The following EEIG2 variants were observed in gnomAD, a reference collection of about 807,000 sequenced individuals.
EEIG2 encodes family with sequence similarity 102 member B.
the EEIG2 span, among the ~76,000 whole-genome samples, chr1:108,577,933 A>G: frequency 6.6e-6 from 1 of 151,682 alleles, no homozygotes. Context: ...ACCCATGAGC[A>G]TGGAATGTTC....
chr1:108,617,411 C>G, the EEIG2 span, among the ~76,000 whole-genome samples: 1 of 152,128 alleles, frequency 6.6e-6, no homozygotes, highest in Admixed American at 6.5e-5. Context: ...GAATGGTGCT[C>G]TCATTTGTTG....
the EEIG2 span, among the ~76,000 whole-genome samples, chr1:108,630,772 C>T: frequency 1.3e-5 from 2 of 152,324 alleles, no homozygotes; most frequent in Non-Finnish European, 2.9e-5. Context: ...CACTTCTGTG[C>T]ACCCCTAATT....
At chr1:108,593,205 A>G in the EEIG2 span, among the ~76,000 whole-genome samples, 1 of 152,114 alleles carries the variant, frequency 6.6e-6, no homozygotes, top group Non-Finnish European at 1.5e-5. Context: ...TGGAGGGAGA[A>G]AGTCCAGGGC....
chr1:108,604,108 T>C, the EEIG2 span, among the ~76,000 whole-genome samples: 1 of 152,190 alleles, frequency 6.6e-6, no homozygotes, highest in Admixed American at 6.5e-5. Flanking sequence ...CTGTGAACCC[T>C]ATGCAGTGTA....
chr1:108,614,482 T>G, the EEIG2 span, among the ~76,000 whole-genome samples: 5 of 152,288 alleles, frequency 3.3e-5, no homozygotes, highest in East Asian at 7.7e-4. Context: ...CAACACATTA[T>G]TCTTGCTCTC....
At chr1:108,593,183 A>G in the EEIG2 span, among the ~76,000 whole-genome samples, 1 of 152,120 alleles carries the variant, frequency 6.6e-6, no homozygotes, top group Admixed American at 6.5e-5. Flanking sequence ...AAATACATAA[A>G]TAAAAGGAGT....
the EEIG2 span, among the ~76,000 whole-genome samples, chr1:108,596,727 C>T: frequency 1.3e-5 from 2 of 151,344 alleles, no homozygotes; most frequent in Non-Finnish European, 2.9e-5. Flanking sequence ...GTTCAAGTTG[C>T]TATTTTTCTG....
At chr1:108,587,381 CG>C in the EEIG2 span, among the ~76,000 whole-genome samples, 1 of 152,094 alleles carries the variant, frequency 6.6e-6, no homozygotes, top group African/African-American at 2.4e-5. Flanking sequence ...ACCAGAGTGG[CG>C]CATTTGTTAC....
the EEIG2 span, chr1:108,628,011 AC>A: frequency 4.9e-6 from 3 of 612,090 alleles, no homozygotes; most frequent in East Asian, 8.3e-5. Context: ...CAATACAGTT[AC>A]TTCCATTGCA....
the EEIG2 span, chr1:108,629,613 TC>T: frequency 1.2e-6 from 2 of 1,611,734 alleles, no homozygotes; most frequent in Non-Finnish European, 1.7e-6. Flanking sequence ...TATTTGTGGG[TC>T]CTGGGGGAAG....
chr1:108,599,131 C>T, the EEIG2 span, among the ~76,000 whole-genome samples: 1 of 152,002 alleles, frequency 6.6e-6, no homozygotes, highest in Admixed American at 6.6e-5. Context: ...CACCACTGCA[C>T]TCCAGCCTGG....
At chr1:108,575,179 A>G in the EEIG2 span, among the ~76,000 whole-genome samples, 21 of 152,288 alleles carry the variant, frequency 1.4e-4, no homozygotes, top group African/African-American at 3.6e-4. Context: ...TTGCTATAGC[A>G]CTCTTTATTA....
chr1:108,580,487 G>A, the EEIG2 span, among the ~76,000 whole-genome samples: 2 of 152,186 alleles, frequency 1.3e-5, no homozygotes, highest in African/African-American at 4.8e-5. Context: ...GCTGAGATAG[G>A]CCAAAAGCTA....
chr1:108,588,768 A>G, the EEIG2 span, among the ~76,000 whole-genome samples: 1 of 129,138 alleles, frequency 7.7e-6, no homozygotes, highest in Non-Finnish European at 1.7e-5. Flanking sequence ...TGAGTTTCTT[A>G]TATATTTGGG....
At chr1:108,598,514 TTA>T in the EEIG2 span, among the ~76,000 whole-genome samples, 1 of 152,082 alleles carries the variant, frequency 6.6e-6, no homozygotes, top group South Asian at 2.1e-4. Context: ...CAAATAACAC[TTA>T]TCTCGCCTGC....
the EEIG2 span, among the ~76,000 whole-genome samples, chr1:108,598,022 G>A: frequency 6.6e-6 from 1 of 152,042 alleles, no homozygotes. Flanking sequence ...AAGAGATGTT[G>A]GGAGAGAAGC....
chr1:108,632,853 G>C, the EEIG2 span, among the ~76,000 whole-genome samples: 1 of 152,058 alleles, frequency 6.6e-6, no homozygotes, highest in Non-Finnish European at 1.5e-5. Context: ...ACCCAGGCTG[G>C]AGTGCGGCAC....
At chr1:108,612,345 A>T in the EEIG2 span, 3 of 1,231,630 alleles carry the variant, frequency 2.4e-6, no homozygotes, top group East Asian at 7.0e-5. Flanking sequence ...TCTGCCTTTA[A>T]ATAAGCGTAT....
chr1:108,575,530 A>G, the EEIG2 span, among the ~76,000 whole-genome samples: 2 of 152,204 alleles, frequency 1.3e-5, no homozygotes, highest in Admixed American at 6.5e-5. Flanking sequence ...TAGCACCATT[A>G]TTTATAACAG....
Sources: allele counts gnomAD v4.1 joint callset (sites outside exome capture counted in the v4.1 genomes callset), GRCh38; gene constraint gnomAD v4.1.1; transcripts MANE v1.5; gene names NCBI Gene and HGNC (gene_info 2026-07-23, HGNC 2026-07-21).